Variants in CELF4 observed in about 807,000 individuals in gnomAD.
CELF4 encodes CUG-BP- and ETR-3-like factor 4.
Under a neutral mutation model 59.9 loss-of-function variants are expected in CELF4, and 18 were observed. The ratio of observed to expected loss-of-function variants is 0.30; its 90% CI spans 0.21 to 0.45. The LOEUF is 0.45. CELF4 is among the 20% of genes least tolerant of loss of function. The pLI, the probability that CELF4 is intolerant of heterozygous loss-of-function variation, is 1.00. For synonymous variants in CELF4, 261 were observed against 267.1 expected, an observed-to-expected ratio of 0.98 and a Z score of 0.22; for missense variants, 456 against 689.0, an observed-to-expected ratio of 0.66 and a Z score of 3.79.
intron 2 of CELF4, among the ~76,000 whole-genome samples, chr18:37,452,256 G>T (rs893734928): frequency 1.3e-5 from 2 of 152,212 alleles, no homozygotes; most frequent in African/African-American, 4.8e-5. Context: ...CCACATGCCA[G>T]GTGCTGTGAG....
intron 1 of CELF4, among the ~76,000 whole-genome samples, chr18:37,516,477 C>T (rs746103887): frequency 1.3e-5 from 2 of 152,200 alleles, no homozygotes; most frequent in Admixed American, 6.5e-5. Flanking sequence ...GCCCTCGCCC[C>T]GGCCACAGAC....
At chr18:37,415,977 C>T (rs1049600743) in intron 2 of CELF4, among the ~76,000 whole-genome samples, 1 of 152,196 alleles carries the variant, frequency 6.6e-6, no homozygotes, top group Non-Finnish European at 1.5e-5. Context: ...CAGGGTGGGG[C>T]AGGGAGGAGG....
chr18:37,446,343 C>T lies in CELF4; in HGVS notation c.369+39182G>A, dbSNP rs576285796. Reference sequence around the variant, plus strand: ...TGACACAGCCCCAGCCTGGAGGGGTCGAGCCAGGCCTGGGTGACCAATGCA... The same window carrying T: ...TGACACAGCCCCAGCCTGGAGGGGTTGAGCCAGGCCTGGGTGACCAATGCA... On this transcript the variant is annotated intron_variant, in intron 2 of 12. Coordinates refer to ENST00000420428, the MANE Select transcript of CELF4 (RefSeq NM_020180.4). Among the ~76,000 whole-genome samples, 17 of 152,256 alleles carry T rather than the reference C, an allele frequency of 1.1e-4. No homozygotes were observed. The East Asian group carries it at 1.6e-3, about 14-fold the overall frequency.
intron 1 of CELF4, among the ~76,000 whole-genome samples, chr18:37,487,763 AGAGGAG>A (rs753737144): frequency 6.6e-5 from 10 of 151,878 alleles, no homozygotes; most frequent in Non-Finnish European, 1.3e-4. Flanking sequence ...GGAGGGAGGA[AGAGGAG>A]GAGGAGTAGG....
intron 11 of CELF4, among the ~76,000 whole-genome samples, chr18:37,257,665 C>A (rs1327027500): frequency 2.0e-5 from 3 of 152,168 alleles, no homozygotes; most frequent in Non-Finnish European, 2.9e-5. Flanking sequence ...GTCTCCTCTC[C>A]CCTCCACCAC....
intron 3 of CELF4, among the ~76,000 whole-genome samples, chr18:37,318,959 C>G (rs1322283976): frequency 2.0e-5 from 3 of 152,188 alleles, no homozygotes; most frequent in Admixed American, 2.0e-4. Context: ...GCCATCCCCC[C>G]TTCTCAAGCT....
At chr18:37,451,012 C>G (rs544106694) in intron 2 of CELF4, among the ~76,000 whole-genome samples, 59 of 152,270 alleles carry the variant, frequency 3.9e-4, no homozygotes, top group Admixed American at 1.9e-3. Context: ...TGCAAAGCAG[C>G]CCACATGTTG....
intron 2 of CELF4, among the ~76,000 whole-genome samples, chr18:37,324,957 G>T (rs2097254056): frequency 6.6e-6 from 1 of 152,186 alleles, no homozygotes; most frequent in South Asian, 2.1e-4. Flanking sequence ...TCATTTAAGA[G>T]ATGCTGGGAA....
chr18:37,296,113 C>A (rs532044328), intron 3 of CELF4, among the ~76,000 whole-genome samples: 1 of 152,354 alleles, frequency 6.6e-6, no homozygotes, highest in Non-Finnish European at 1.5e-5. Context: ...CATAGGCATC[C>A]CTGCCTCTTG....
intron 3 of CELF4, among the ~76,000 whole-genome samples, chr18:37,301,600 TCTC>T (rs1221409445): frequency 2.0e-5 from 3 of 152,160 alleles, no homozygotes; most frequent in East Asian, 1.9e-4. Context: ...GGTTGGGGGT[TCTC>T]CTCCTCTGGG....
chr18:37,284,824 G>A (rs2094571354), intron 3 of CELF4, among the ~76,000 whole-genome samples: 1 of 152,208 alleles, frequency 6.6e-6, no homozygotes, highest in Non-Finnish European at 1.5e-5. Context: ...CCACTGTTCA[G>A]ATGAAGAAAC....
chr18:37,390,121 A>G (rs1212532875), intron 2 of CELF4, among the ~76,000 whole-genome samples: 1 of 152,158 alleles, frequency 6.6e-6, no homozygotes, highest in Non-Finnish European at 1.5e-5. Context: ...GATGGCTTCT[A>G]GGACACCTTG....
At chr18:37,543,036 G>T (rs1472495507) in intron 1 of CELF4, among the ~76,000 whole-genome samples, 1 of 152,042 alleles carries the variant, frequency 6.6e-6, no homozygotes, top group Non-Finnish European at 1.5e-5. Context: ...TCTCTGCATG[G>T]ACTCAGCACC....
chr18:37,457,662 C>T (rs76069825), intron 2 of CELF4, among the ~76,000 whole-genome samples: 97 of 152,254 alleles, frequency 6.4e-4, no homozygotes, highest in African/African-American at 1.8e-3. Flanking sequence ...TCCCGCAGCC[C>T]GAAGACCATC....
At chr18:37,417,597 CA>C (rs2099539803) in intron 2 of CELF4, among the ~76,000 whole-genome samples, 1 of 152,216 alleles carries the variant, frequency 6.6e-6, no homozygotes, top group Non-Finnish European at 1.5e-5. Flanking sequence ...GTGCTTCTTG[CA>C]GCACTGGCCA....
chr18:37,249,237 C>T (rs1012423920), intron 12 of CELF4, among the ~76,000 whole-genome samples: 7 of 152,204 alleles, frequency 4.6e-5, no homozygotes, highest in South Asian at 4.1e-4. Context: ...GGATGGCCAA[C>T]GGGCAGCTCC....
chr18:37,536,421 C>T (rs1169979484), intron 1 of CELF4, among the ~76,000 whole-genome samples: 2 of 152,146 alleles, frequency 1.3e-5, no homozygotes, highest in Admixed American at 1.3e-4. Context: ...TCCTGTCTCC[C>T]CCACTCCCTC....
At chr18:37,518,051 G>A (rs1033088951) in intron 1 of CELF4, among the ~76,000 whole-genome samples, 1 of 152,122 alleles carries the variant, frequency 6.6e-6, no homozygotes, top group African/African-American at 2.4e-5. Context: ...GAGCTGGTGG[G>A]TGGCACTGGG....
At chr18:37,306,741 C>T (rs1020221010) in intron 3 of CELF4, among the ~76,000 whole-genome samples, 1 of 152,042 alleles carries the variant, frequency 6.6e-6, no homozygotes, top group Non-Finnish European at 1.5e-5. Flanking sequence ...AGGAAATGTC[C>T]CAGTTGGAGG....
Sources: gnomAD v4.1 joint callset for allele counts (sites outside exome capture counted in the v4.1 genomes callset) on GRCh38, gnomAD v4.1.1 for gene constraint, MANE v1.5 for transcripts, NCBI Gene and HGNC (gene_info 2026-07-23, HGNC 2026-07-21) for gene names.